The following NFATC3 variants were observed in gnomAD, a reference collection of about 807,000 sequenced individuals.
NFATC3 encodes nuclear factor of activated T-cells, cytoplasmic 3.
In NFATC3, 46 loss-of-function variants were observed where a neutral mutation model predicts 98.6. The ratio of observed to expected loss-of-function variants is 0.47; its 90% CI spans 0.37 to 0.60. The LOEUF (loss-of-function observed/expected upper bound fraction) is 0.60, where lower values mean the gene tolerates loss of function less well. Ranked by LOEUF, NFATC3 falls within the 20% of genes least tolerant of loss-of-function variation. NFATC3 has a pLI of 0.00. For missense variants in NFATC3, 1,256 were observed against 1,295.5 expected (o/e 0.97, Z 0.47); for synonymous variants, 512 against 472.2 (o/e 1.08, Z -1.09).
intron 7 of NFATC3, among the ~76,000 whole-genome samples, chr16:68,182,158 G>A (rs1404267423): frequency 6.6e-6 from 1 of 152,134 alleles, no homozygotes; most frequent in Non-Finnish European, 1.5e-5. Context: ...ATATGTATAG[G>A]CCTTCATGGA....
intron 1 of NFATC3, among the ~76,000 whole-genome samples, chr16:68,119,981 G>A (rs560808801): frequency 1.3e-5 from 2 of 152,100 alleles, no homozygotes; most frequent in East Asian, 3.9e-4. Flanking sequence ...AAATGGCAAA[G>A]TGAAATAAAG....
intron 9 of NFATC3, among the ~76,000 whole-genome samples, chr16:68,196,473 T>A (rs2040675882): frequency 6.6e-6 from 1 of 152,198 alleles, no homozygotes; most frequent in African/African-American, 2.4e-5. Context: ...GATATTTGGA[T>A]TTGCCTTTGA....
chr16:68,156,229 C>G (rs1044196461), intron 3 of NFATC3, among the ~76,000 whole-genome samples: 1 of 152,072 alleles, frequency 6.6e-6, no homozygotes, highest in Non-Finnish European at 1.5e-5. Flanking sequence ...GCAGGAGAAT[C>G]GCTTGACCCT....
At chr16:68,175,354 G>T (rs1263399576) in intron 6 of NFATC3, among the ~76,000 whole-genome samples, 4 of 152,162 alleles carry the variant, frequency 2.6e-5, no homozygotes, top group Non-Finnish European at 5.9e-5. Context: ...GGTGATGGTT[G>T]TACTGCTCTG....
At chr16:68,094,628 C>G (rs2034909274) in intron 1 of NFATC3, among the ~76,000 whole-genome samples, 1 of 152,078 alleles carries the variant, frequency 6.6e-6, no homozygotes, top group Non-Finnish European at 1.5e-5. Flanking sequence ...TGAGTTTCAC[C>G]AGAACTCTCC....
chr16:68,183,408 T>C (rs772979448), intron 8 of NFATC3, 42 bp downstream of exon 8: 1 of 1,596,422 alleles, frequency 6.3e-7, no homozygotes, highest in East Asian at 2.2e-5. Context: ...CTTTCTTTCC[T>C]AATGAATAAA....
In NFATC3 at chr16:68,085,626, T is replaced by TTGCCGCTGCCGCCGCC; in HGVS notation, c.-55_-40dup. On this transcript the variant is annotated 5_prime_UTR_variant, in exon 1 of 10. Coordinates refer to ENST00000346183, the MANE Select transcript of NFATC3 (RefSeq NM_173165.3). ...GGCGTTGAGGAGCTGCTGCCGCCGC[T>TTGCCGCTGCCGCCGCC]TGCCGCTGCCGCCGCCGCCGCCTGA... The TTGCCGCTGCCGCCGCC allele has an allele frequency of 2.1e-6, 3 of 1,442,480 alleles. No homozygotes were observed. Among genetic ancestry groups the TTGCCGCTGCCGCCGCC allele is most frequent in the Non-Finnish European group, 2.8e-6 (3 of 1,089,416 alleles). The allele number at this position is 1,442,480 out of a possible 1,614,324, so 89.4% of individuals were successfully genotyped here.
At chr16:68,107,714 C>T (rs560848711) in intron 1 of NFATC3, among the ~76,000 whole-genome samples, 2 of 151,774 alleles carry the variant, frequency 1.3e-5, no homozygotes, top group Non-Finnish European at 2.9e-5. Context: ...CAGAGTGAGA[C>T]ACTGTATCAA....
At chr16:68,125,757 G>A (rs1259411378) in intron 2 of NFATC3, among the ~76,000 whole-genome samples, 1 of 151,744 alleles carries the variant, frequency 6.6e-6, no homozygotes, top group Non-Finnish European at 1.5e-5. Context: ...ATTATTTTTT[G>A]GTTATTTTTG....
rs1468232449 is a variant in NFATC3 at position 68,227,691 on chromosome 16, A to G, written c.*1220A>G. On this transcript the variant is annotated 3_prime_UTR_variant, in exon 10 of 10. Coordinates refer to ENST00000346183, the MANE Select transcript of NFATC3 (RefSeq NM_173165.3). The stretch of plus-strand genomic sequence containing the variant: ...CAGAAGTGATAACCTGACCCTCCAC[A>G]CCAAAGACACCCTGGTGCTGCTGCT... 6.6e-6 allele frequency: 1 copy of G among 151,976 alleles called. No individual in the cohort carries two copies. Among genetic ancestry groups the G allele is most frequent in the Non-Finnish European group, 1.5e-5 (1 of 68,050 alleles). The allele number at this position is 151,976 out of a possible 1,614,324, so 9.4% of individuals were successfully genotyped here. A position where few individuals can be genotyped will look rare whatever the true frequency, so the allele number is the denominator to read the frequency against.
intron 5 of NFATC3, among the ~76,000 whole-genome samples, chr16:68,167,500 A>G (rs2039250724): frequency 6.6e-6 from 1 of 152,198 alleles, no homozygotes; most frequent in African/African-American, 2.4e-5. Context: ...GTTTTTTCCT[A>G]ACATACAAAA....
chr16:68,163,749 C>T (rs1401188407), intron 4 of NFATC3, among the ~76,000 whole-genome samples: 2 of 149,258 alleles, frequency 1.3e-5, no homozygotes, highest in African/African-American at 2.5e-5. Flanking sequence ...AGAGGCGCTC[C>T]TCACATCCCA....
At position 68,207,110 on chromosome 16, in the gene NFATC3, GA is replaced by G. The variant is rs548358898; in HGVS notation, c.3106+15336del. On this transcript the variant is annotated intron_variant, in intron 9 of 9. Coordinates refer to ENST00000346183, the MANE Select transcript of NFATC3 (RefSeq NM_173165.3). ...GGATCACCTCAGGTCAGGAGTTCGA[GA>G]CCAGCCTGACCAACACGGTGAAACC... Among the ~76,000 whole-genome samples the G allele has an allele frequency of 8.0e-3, 1,205 of 150,838 alleles. 16 individuals carry two copies. Among genetic ancestry groups the G allele is most frequent in the African/African-American group, 0.028 (1,131 of 41,036 alleles).
intron 1 of NFATC3, among the ~76,000 whole-genome samples, chr16:68,118,327 C>G (rs533328034): frequency 1.2e-3 from 186 of 152,290 alleles, no homozygotes; most frequent in Middle Eastern, 6.8e-3. Context: ...TTGTCAGTCT[C>G]TCCTGAGACT....
chr16:68,096,763 A>T (rs776429475), intron 1 of NFATC3, among the ~76,000 whole-genome samples: 5 of 152,224 alleles, frequency 3.3e-5, no homozygotes, highest in African/African-American at 4.8e-5. Context: ...ACCCAAAGAC[A>T]GGTTAAAGAG....
In NFATC3 at chr16:68,229,067, G is replaced by A. The variant is rs1167327879; in HGVS notation, c.*2596G>A. The A allele has an allele frequency of 6.6e-6, 1 of 152,194 alleles. No individual in the cohort carries two copies. Among genetic ancestry groups the A allele is most frequent in the Non-Finnish European group, 1.5e-5 (1 of 68,050 alleles). 9.4% of individuals were successfully genotyped at this position (152,194 alleles called of 1,614,324 possible). ...ATTGAAACCTTGTGTTTTATAAAAT[G>A]GATGTTTAGTAAAGGAACTGGTTCT... On this transcript the variant is annotated 3_prime_UTR_variant, in exon 10 of 10. Transcript: ENST00000346183.
At chr16:68,117,876 T>C (rs1051712821) in intron 1 of NFATC3, among the ~76,000 whole-genome samples, 2 of 152,198 alleles carry the variant, frequency 1.3e-5, no homozygotes, top group Non-Finnish European at 2.9e-5. Context: ...ACTTACTTGG[T>C]AGGTACTGGA....
chr16:68,186,174 A>G (rs2040191876), intron 8 of NFATC3, among the ~76,000 whole-genome samples: 1 of 152,002 alleles, frequency 6.6e-6, no homozygotes, highest in Non-Finnish European at 1.5e-5. Context: ...CTAAAATGAC[A>G]TTTTGAATAA....
At chr16:68,105,121 C>T (rs1199096468) in intron 1 of NFATC3, among the ~76,000 whole-genome samples, 1 of 136,242 alleles carries the variant, frequency 7.3e-6, no homozygotes, top group Non-Finnish European at 1.6e-5. Context: ...GATGGAGTCT[C>T]ACTTTGTCAC....
Sources: allele counts gnomAD v4.1 joint callset (sites outside exome capture counted in the v4.1 genomes callset), GRCh38; gene constraint gnomAD v4.1.1; transcripts MANE v1.5; gene names NCBI Gene and HGNC (gene_info 2026-07-23, HGNC 2026-07-21).